SLC14A2: variants seen among roughly 807,000 people sequenced by gnomAD.
SLC14A2 encodes the protein solute carrier family 14 member 2, also known as urea transporter 2.
Under a neutral mutation model 104.6 loss-of-function variants are expected in SLC14A2, and 91 were observed. The ratio of observed to expected loss-of-function variants is 0.87; its 90% CI spans 0.73 to 1.04. The LOEUF (loss-of-function observed/expected upper bound fraction) is 1.04, where lower values mean the gene tolerates loss of function less well. Ranked by LOEUF, SLC14A2 falls within the 50% of genes least tolerant of loss-of-function variation. The pLI, the probability that SLC14A2 is intolerant of heterozygous loss-of-function variation, is 0.00. For missense variants in SLC14A2, 1,189 were observed against 1,156.0 expected (o/e 1.03, Z -0.41); for synonymous variants, 476 against 466.4 (o/e 1.02, Z -0.27).
chr18:45,530,609 C>T lies in SLC14A2; in HGVS notation c.-35+47287C>T, dbSNP rs527368697. Among the ~76,000 whole-genome samples, 12 of 152,190 alleles carry T rather than the reference C, an allele frequency of 7.9e-5. No individual in the cohort carries two copies. The South Asian group carries it at 2.5e-3, about 32-fold the overall frequency. ...AAATATGTTAGAAATGTGTGTCAAA[C>T]AATGGCCAATAAAGTGCTGCTTGAG... On this transcript the variant is annotated intron_variant, in intron 2 of 20. Coordinates refer to the SLC14A2 transcript ENST00000586448.
Position 45,682,564 on chromosome 18 carries a change from C to A in SLC14A2, c.*45C>A. On this transcript the variant is annotated 3_prime_UTR_variant, in exon 20 of 20. Transcript: ENST00000255226. ...ATCAGTGTAAATTCAGGCTTCAGCA[C>A]GCCGTCCAGATCCCCAGGATAAGAG... is the stretch of plus-strand genomic sequence containing the variant. The A allele has an allele frequency of 1.3e-6, 2 of 1,532,082 alleles. No individual in the cohort carries two copies. The highest frequency in any genetic ancestry group is 1.8e-6 in the Non-Finnish European group (2 of 1,105,144). 94.9% of individuals were successfully genotyped at this position (1,532,082 alleles called of 1,614,324 possible). A position where few individuals can be genotyped will look rare whatever the true frequency, so the allele number is the denominator to read the frequency against.
In SLC14A2 at chr18:45,386,546, G is replaced by A. The variant is rs557789510; in HGVS notation, c.-124-96687G>A. 3.9e-5 allele frequency among the ~76,000 whole-genome samples: 6 copies of A among 152,268 alleles called. No homozygotes were observed. The East Asian group carries it at 9.7e-4, about 24-fold the overall frequency. On this transcript the variant is annotated intron_variant, in intron 1 of 20. Coordinates refer to the SLC14A2 transcript ENST00000586448. The stretch of plus-strand genomic sequence containing the variant: ...TGGCTACCTGGCTGGGTACCATCCC[G>A]AAAAGATTTGCTTCCTGCCCCATGG...
intron 1 of SLC14A2, among the ~76,000 whole-genome samples, chr18:45,334,678 T>G (rs1386029692): frequency 6.6e-6 from 1 of 152,168 alleles, no homozygotes; most frequent in South Asian, 2.1e-4. Flanking sequence ...ATCCATAAAA[T>G]AGGTTAAAAA....
chr18:45,474,495 T>C (rs1418589056), intron 1 of SLC14A2, among the ~76,000 whole-genome samples: 1 of 152,192 alleles, frequency 6.6e-6, no homozygotes, highest in Non-Finnish European at 1.5e-5. Flanking sequence ...TAGCTGTGAA[T>C]CCATCCGGTC....
At chr18:45,454,528 T>G (rs1349118802) in intron 1 of SLC14A2, among the ~76,000 whole-genome samples, 3 of 152,226 alleles carry the variant, frequency 2.0e-5, no homozygotes, top group Non-Finnish European at 2.9e-5. Flanking sequence ...ATTTGTCAAT[T>G]TGGCTTCTGT....
At chr18:45,360,030 G>C (rs189793656) in intron 1 of SLC14A2, among the ~76,000 whole-genome samples, 10 of 152,334 alleles carry the variant, frequency 6.6e-5, no homozygotes, top group South Asian at 2.1e-4. Context: ...CTCCTGTCAG[G>C]AGATGTCTTC....
At chr18:45,575,777 G>GT (rs1427332668) in intron 2 of SLC14A2, among the ~76,000 whole-genome samples, 1 of 150,246 alleles carries the variant, frequency 6.7e-6, no homozygotes, top group Non-Finnish European at 1.5e-5. Context: ...TGAAAGCCTA[G>GT]TTTGTCTTGT....
intron 1 of SLC14A2, among the ~76,000 whole-genome samples, chr18:45,482,978 C>A (rs530108030): frequency 6.6e-6 from 1 of 151,948 alleles, no homozygotes; most frequent in East Asian, 1.9e-4. Context: ...AAACTAAGAC[C>A]GATAGAAAAT....
At chr18:45,215,567 T>C (rs2084002730) in intron 1 of SLC14A2, among the ~76,000 whole-genome samples, 1 of 152,242 alleles carries the variant, frequency 6.6e-6, no homozygotes, top group African/African-American at 2.4e-5. Context: ...GGAGAGGATA[T>C]TAGTCCCCCA....
At chr18:45,269,750 G>C (rs1416627881) in intron 1 of SLC14A2, among the ~76,000 whole-genome samples, 1 of 152,074 alleles carries the variant, frequency 6.6e-6, no homozygotes, top group Non-Finnish European at 1.5e-5. Flanking sequence ...ATAAAGGGGG[G>C]AACATCAGAG....
intron 2 of SLC14A2, among the ~76,000 whole-genome samples, chr18:45,592,533 C>T (rs2044663138): frequency 6.6e-6 from 1 of 152,208 alleles, no homozygotes; most frequent in Admixed American, 6.5e-5. Context: ...GCCAAGCATG[C>T]TGCCTGAGAC....
At chr18:45,488,374 G>A (rs2087653456) in intron 2 of SLC14A2, among the ~76,000 whole-genome samples, 1 of 152,192 alleles carries the variant, frequency 6.6e-6, no homozygotes, top group Admixed American at 6.5e-5. Flanking sequence ...CAGAGGCTGA[G>A]GGCAGGGCAG....
At chr18:45,588,015 G>A (rs1042610032) in intron 2 of SLC14A2, among the ~76,000 whole-genome samples, 8 of 152,174 alleles carry the variant, frequency 5.3e-5, no homozygotes, top group African/African-American at 1.4e-4. Context: ...GCAGCAGGGA[G>A]ATGATTGAAA....
chr18:45,276,447 T>C, intron 1 of SLC14A2, among the ~76,000 whole-genome samples: 1 of 151,758 alleles, frequency 6.6e-6, no homozygotes, highest in South Asian at 2.1e-4. Context: ...TGAATAGGAG[T>C]TTTCTAAGCC....
intron 2 of SLC14A2, among the ~76,000 whole-genome samples, chr18:45,506,863 T>A (rs1272399293): frequency 6.6e-6 from 1 of 152,172 alleles, no homozygotes; most frequent in Non-Finnish European, 1.5e-5. Flanking sequence ...TACAAAATCC[T>A]AGGAATGAAG....
At chr18:45,557,240 C>T (rs1275544399) in intron 2 of SLC14A2, among the ~76,000 whole-genome samples, 1 of 152,244 alleles carries the variant, frequency 6.6e-6, no homozygotes, top group Non-Finnish European at 1.5e-5. Flanking sequence ...CTGCTTCATT[C>T]TCACCCCATC....
At chr18:45,308,034 C>T (rs1046464191) in intron 1 of SLC14A2, among the ~76,000 whole-genome samples, 1 of 152,054 alleles carries the variant, frequency 6.6e-6, no homozygotes, top group Non-Finnish European at 1.5e-5. Flanking sequence ...AGAGGGGCCA[C>T]GCTGTTTTAA....
At chr18:45,471,242 G>A (rs951873432) in intron 1 of SLC14A2, among the ~76,000 whole-genome samples, 3 of 152,106 alleles carry the variant, frequency 2.0e-5, no homozygotes, top group African/African-American at 7.2e-5. Context: ...ATGTTGCTAT[G>A]GAAAACTCTG....
intron 2 of SLC14A2, among the ~76,000 whole-genome samples, chr18:45,483,851 A>G (rs2087543349): frequency 6.6e-6 from 1 of 152,206 alleles, no homozygotes; most frequent in Admixed American, 6.5e-5. Flanking sequence ...TTGTTTGACA[A>G]GCAGACCAGC....
Sources: allele counts gnomAD v4.1 joint callset (sites outside exome capture counted in the v4.1 genomes callset), GRCh38; gene constraint gnomAD v4.1.1; transcripts MANE v1.5; gene names NCBI Gene and HGNC (gene_info 2026-07-23, HGNC 2026-07-21).